Variants in FTO observed in about 807,000 individuals in gnomAD.
FTO encodes the protein FTO alpha-ketoglutarate dependent dioxygenase.
In FTO, 47 loss-of-function variants were observed where a neutral mutation model predicts 63.9. That is an observed-to-expected ratio of 0.74 (90% confidence interval 0.58 to 0.94). The LOEUF (loss-of-function observed/expected upper bound fraction) is 0.94, where lower values mean the gene tolerates loss of function less well. Among genes scored for constraint, FTO ranks in the 40% least tolerant of loss-of-function variants. FTO has a pLI of 0.00. For missense variants in FTO, 562 were observed against 618.1 expected (o/e 0.91, Z 0.96); for synonymous variants, 207 against 224.4 (o/e 0.92, Z 0.69).
intron 3 of FTO, among the ~76,000 whole-genome samples, chr16:53,827,541 T>A (rs1283110319): frequency 6.6e-6 from 1 of 152,248 alleles, no homozygotes; most frequent in East Asian, 1.9e-4. Context: ...CTAAAATTAC[T>A]GTTTTGGAAA....
intron 1 of FTO, among the ~76,000 whole-genome samples, chr16:53,745,480 C>A (rs750461783): frequency 1.3e-5 from 2 of 152,200 alleles, no homozygotes; most frequent in African/African-American, 4.8e-5. Flanking sequence ...AATTCAGCTC[C>A]ACTGTGATTG....
chr16:53,724,706 G>A, intron 1 of FTO, among the ~76,000 whole-genome samples: 1 of 152,112 alleles, frequency 6.6e-6, no homozygotes, highest in East Asian at 1.9e-4. Flanking sequence ...AATAATGGGT[G>A]GATTTTATGA....
intron 1 of FTO, among the ~76,000 whole-genome samples, chr16:53,771,885 T>C (rs2077349152): frequency 6.6e-6 from 1 of 152,108 alleles, no homozygotes. Flanking sequence ...ATTACATGAT[T>C]CCATGTACAG....
chr16:53,809,586 T>G (rs1489110142), intron 1 of FTO, among the ~76,000 whole-genome samples: 2 of 152,180 alleles, frequency 1.3e-5, no homozygotes, highest in African/African-American at 4.8e-5. Flanking sequence ...AATTGTCTCA[T>G]GAAATGTGAG....
At chr16:53,851,716 A>G (rs12448183) in intron 4 of FTO, among the ~76,000 whole-genome samples, 35,118 of 152,074 alleles carry the variant, frequency 0.23, 4,496 homozygotes, top group East Asian at 0.33. Context: ...TTTTTTGTAC[A>G]TAATATGTGC....
chr16:53,984,914 G>T (rs1419063808), intron 8 of FTO: 10 of 454,508 alleles, frequency 2.2e-5, no homozygotes, highest in Admixed American at 1.7e-4. Context: ...GGAGTAAAAT[G>T]ATGGAAATGT....
chr16:54,013,026 G>T (rs1000522997), intron 8 of FTO, among the ~76,000 whole-genome samples: 8 of 152,146 alleles, frequency 5.3e-5, no homozygotes, highest in Non-Finnish European at 1.0e-4. Context: ...ATTTTGTAAA[G>T]CTATAGCTGG....
At chr16:53,737,104 C>T in intron 1 of FTO, among the ~76,000 whole-genome samples, 1 of 152,176 alleles carries the variant, frequency 6.6e-6, no homozygotes, top group Admixed American at 6.5e-5. Context: ...CCTGTTTCTG[C>T]AGAGCACAGT....
chr16:54,104,918 G>A (rs80177932), intron 8 of FTO, among the ~76,000 whole-genome samples: 2,393 of 152,310 alleles, frequency 0.016, 60 homozygotes, highest in African/African-American at 0.054. Context: ...ATTGATCAGC[G>A]AGGTTTTAAA....
intron 8 of FTO, among the ~76,000 whole-genome samples, chr16:54,020,349 C>T (rs1107356): frequency 0.075 from 11,398 of 152,158 alleles, 649 homozygotes; most frequent in African/African-American, 0.15. Flanking sequence ...AAAATATATC[C>T]ATTTCCTATA....
intron 4 of FTO, among the ~76,000 whole-genome samples, chr16:53,865,261 C>T (rs1371312090): frequency 6.6e-6 from 1 of 152,170 alleles, no homozygotes; most frequent in Non-Finnish European, 1.5e-5. Context: ...GACTCTGAAA[C>T]CTCCTTTAGG....
In FTO at chr16:53,804,632, C is replaced by CTTT. The variant is rs10602540; in HGVS notation, c.46-5492_46-5490dup. 2.5e-3 allele frequency among the ~76,000 whole-genome samples: 325 copies of CTTT among 130,134 alleles called. 5 individuals are homozygous for CTTT. Among genetic ancestry groups the CTTT allele is most frequent in the South Asian group, 3.6e-3 (15 of 4,154 alleles). 85.4% of individuals were successfully genotyped at this position (130,134 alleles called of 152,430 possible). ...TTTGGTTTAGCTACTTCTTATTGAT[C>CTTT]TTTTTTTTTTTTTTTTTTGAGAAAG... On this transcript the variant is annotated intron_variant, in intron 1 of 8. Transcript: ENST00000471389.
chr16:53,924,587 T>A (rs1321042066), intron 7 of FTO, among the ~76,000 whole-genome samples: 1 of 136,256 alleles, frequency 7.3e-6, no homozygotes, highest in Non-Finnish European at 1.5e-5. Flanking sequence ...CCTGCTTTCC[T>A]GGGTGAGTAG....
intron 7 of FTO, among the ~76,000 whole-genome samples, chr16:53,896,453 T>A (rs1304964384): frequency 1.3e-5 from 2 of 152,018 alleles, no homozygotes; most frequent in Non-Finnish European, 2.9e-5. Context: ...AAAATAATAA[T>A]AATAATCACC....
At chr16:53,711,184 C>G (rs532078936) in intron 1 of FTO, among the ~76,000 whole-genome samples, 28 of 152,148 alleles carry the variant, frequency 1.8e-4, no homozygotes, top group East Asian at 5.8e-4. Context: ...TATATGTATT[C>G]TGATCCCAGG....
At chr16:53,767,154 G>A (rs1215927789) in intron 1 of FTO, among the ~76,000 whole-genome samples, 6 of 152,136 alleles carry the variant, frequency 3.9e-5, no homozygotes, top group Non-Finnish European at 8.8e-5. Context: ...TATAAGTGGT[G>A]TTTTTCTTAG....
At chr16:53,895,199 T>TA (rs200895625) in intron 7 of FTO, among the ~76,000 whole-genome samples, 1,820 of 145,068 alleles carry the variant, frequency 0.013, 20 homozygotes, top group Non-Finnish European at 0.019. Context: ...GTGAATTTCT[T>TA]ATAAGTTTTT....
chr16:53,807,826 T>G (rs1281138795), intron 1 of FTO, among the ~76,000 whole-genome samples: 1 of 152,190 alleles, frequency 6.6e-6, no homozygotes, highest in Non-Finnish European at 1.5e-5. Flanking sequence ...AGATTTTGAT[T>G]AAATTTATGA....
intron 2 of FTO, among the ~76,000 whole-genome samples, chr16:53,814,513 T>C (rs1482182950): frequency 6.6e-6 from 1 of 152,164 alleles, no homozygotes; most frequent in Non-Finnish European, 1.5e-5. Context: ...ACAGAGAGGT[T>C]CAAAAATTTG....
Sources: gnomAD v4.1 joint callset for allele counts (sites outside exome capture counted in the v4.1 genomes callset) on GRCh38, gnomAD v4.1.1 for gene constraint, MANE v1.5 for transcripts, NCBI Gene and HGNC (gene_info 2026-07-23, HGNC 2026-07-21) for gene names.